SNX6: variants seen among roughly 807,000 people sequenced by gnomAD.
SNX6 encodes the protein sorting nexin-6.
A neutral mutation model predicts 63.0 loss-of-function variants in SNX6; 34 were observed. The observed-to-expected ratio is 0.54, with a 90% CI of 0.41 to 0.72. SNX6 has a LOEUF of 0.72. Among genes scored for constraint, SNX6 ranks in the 30% least tolerant of loss-of-function variants. The pLI, the probability that SNX6 is intolerant of heterozygous loss-of-function variation, is 0.00. For missense variants in SNX6, 398 were observed against 471.4 expected (o/e 0.84, Z 1.44); for synonymous variants, 170 against 164.2 (o/e 1.04, Z -0.27).
At chr14:34,586,517 G>A (rs1226870103) in intron 8 of SNX6, among the ~76,000 whole-genome samples, 1 of 151,600 alleles carries the variant, frequency 6.6e-6, no homozygotes, top group East Asian at 1.9e-4. Flanking sequence ...AGACCAGCTG[G>A]GCCAACATGG....
chr14:34,600,935 T>C (rs998968285), intron 6 of SNX6, among the ~76,000 whole-genome samples: 2 of 151,770 alleles, frequency 1.3e-5, no homozygotes, highest in African/African-American at 4.8e-5. Flanking sequence ...GAGGAGTCGC[T>C]TGAACCTGGG....
chr14:34,599,464 G>A (rs1882721838), intron 6 of SNX6, among the ~76,000 whole-genome samples: 1 of 152,098 alleles, frequency 6.6e-6, no homozygotes, highest in African/African-American at 2.4e-5. Flanking sequence ...AAAACTAGCT[G>A]GGCGTCGTGG....
intron 8 of SNX6, 35 bp from the exon 9 acceptor site, chr14:34,586,340 T>C (rs1882156491): frequency 4.4e-6 from 6 of 1,352,842 alleles, no homozygotes; most frequent in South Asian, 3.6e-5. Flanking sequence ...AGTATACCTA[T>C]TCATAGATTT....
chr14:34,616,998 C>T (rs902541562), intron 2 of SNX6, among the ~76,000 whole-genome samples: 3 of 152,062 alleles, frequency 2.0e-5, no homozygotes, highest in African/African-American at 4.8e-5. Context: ...AGGAGAATTG[C>T]TTGAATCCAG....
At chr14:34,585,993 C>G (rs1882137693) in intron 9 of SNX6, among the ~76,000 whole-genome samples, 1 of 152,090 alleles carries the variant, frequency 6.6e-6, no homozygotes, top group Non-Finnish European at 1.5e-5. Context: ...CAACCTCTGC[C>G]TCCCAGGTTC....
At chr14:34,601,845 T>A (rs1385802856) in intron 6 of SNX6, among the ~76,000 whole-genome samples, 1 of 150,664 alleles carries the variant, frequency 6.6e-6, no homozygotes, top group Non-Finnish European at 1.5e-5. Context: ...TCTGCCCGGC[T>A]TGGCCTCCCA....
intron 10 of SNX6, among the ~76,000 whole-genome samples, chr14:34,579,142 G>T (rs556040550): frequency 6.6e-6 from 1 of 151,840 alleles, no homozygotes; most frequent in South Asian, 2.1e-4. Flanking sequence ...TTTTCACGTG[G>T]TTATCATATG....
At chr14:34,594,753 T>C (rs574561922) in intron 7 of SNX6, among the ~76,000 whole-genome samples, 1 of 152,226 alleles carries the variant, frequency 6.6e-6, no homozygotes, top group East Asian at 1.9e-4. Context: ...TGGAGACCCA[T>C]ATCAACAGAA....
chr14:34,608,002 G>A (rs753402132), intron 4 of SNX6, 28 bp downstream of exon 4: 5 of 1,170,484 alleles, frequency 4.3e-6, no homozygotes, highest in Non-Finnish European at 6.2e-6. Context: ...CCTAGAAAAT[G>A]GAATTAAAAT....
chr14:34,595,330 T>A (rs1157946473), intron 7 of SNX6, among the ~76,000 whole-genome samples: 1 of 151,916 alleles, frequency 6.6e-6, no homozygotes, highest in Non-Finnish European at 1.5e-5. Context: ...AGAGACAGGG[T>A]TTCTCCATGT....
rs1881252017 is a variant in SNX6 at position 34,567,766 on chromosome 14, T to C, written c.1087A>G (p.Ile363Val). The stretch of plus-strand genomic sequence containing the variant: ...GCAACTCTTCTTGTCTTAAAATCTA[T>C]AAGTTCTGTGAAAAAGAAATTAGGA... ...KISESAKQEL[I>V]DFKTRRVAAF... Residue 363 changes from isoleucine to valine, a missense_variant, in exon 13 of 14, where the codon ATA becomes GTA. By Grantham distance (29) the Ile-to-Val change is conservative. Coordinates refer to ENST00000362031, the MANE Select transcript of SNX6 (RefSeq NM_152233.4). The C allele has an allele frequency of 6.2e-7, 1 of 1,613,360 alleles. No homozygotes were observed. Among genetic ancestry groups the C allele is most frequent in the African/African-American group, 1.3e-5 (1 of 74,924 alleles).
chr14:34,574,534 C>T (rs1444494670), intron 11 of SNX6, among the ~76,000 whole-genome samples: 1 of 148,488 alleles, frequency 6.7e-6, no homozygotes, highest in Non-Finnish European at 1.5e-5. Context: ...CCTGTAATCC[C>T]AGCTACTCAG....
At chr14:34,591,384 T>A (rs8021056) in intron 8 of SNX6, among the ~76,000 whole-genome samples, 25 of 152,294 alleles carry the variant, frequency 1.6e-4, no homozygotes, top group South Asian at 4.1e-4. Flanking sequence ...TACAATTTTT[T>A]AAAAAATCAC....
At chr14:34,627,652 G>A (rs1177196142) in intron 2 of SNX6, among the ~76,000 whole-genome samples, 2 of 152,004 alleles carry the variant, frequency 1.3e-5, no homozygotes, top group African/African-American at 4.8e-5. Flanking sequence ...ACCATGCCCA[G>A]CTAATTTTTG....
intron 6 of SNX6, among the ~76,000 whole-genome samples, chr14:34,602,622 T>C (rs568141659): frequency 6.7e-6 from 1 of 149,928 alleles, no homozygotes; most frequent in South Asian, 2.1e-4. Context: ...AATACAAACA[T>C]TCTAAAAAAA....
At chr14:34,584,458 T>G (rs767808017) in intron 9 of SNX6, among the ~76,000 whole-genome samples, 1 of 151,042 alleles carries the variant, frequency 6.6e-6, no homozygotes, top group African/African-American at 2.4e-5. Context: ...TACACCACCA[T>G]GTCTAATTTT....
chr14:34,629,982 G>C lies in SNX6; in HGVS notation c.7-28C>G, dbSNP rs771750609. On this transcript the variant is annotated intron_variant, in intron 1 of 13. Transcript: ENST00000362031. ...GTGGGGTCGGCGGGCACGGCGCGCCGGGGAAAAGGATGAGATGGGGGAGAC... is the reference window on the plus strand; with the variant it reads ...GTGGGGTCGGCGGGCACGGCGCGCCCGGGAAAAGGATGAGATGGGGGAGAC... 7 of 1,529,136 alleles carry C rather than the reference G, an allele frequency of 4.6e-6. No homozygotes were observed. In the South Asian group the frequency reaches 6.1e-5, roughly 13 times the overall value. 94.7% of individuals were successfully genotyped at this position (1,529,136 alleles called of 1,614,324 possible).
intron 11 of SNX6, chr14:34,568,748 C>T (rs1334182032): frequency 1.1e-6 from 1 of 879,804 alleles, no homozygotes; most frequent in Non-Finnish European, 1.9e-6. Context: ...TCTCTCTGTC[C>T]CTGACGTGTC....
intron 13 of SNX6, 103 bp from the exon 14 acceptor site, chr14:34,563,278 G>A: frequency 3.5e-6 from 4 of 1,152,628 alleles, no homozygotes; most frequent in Admixed American, 2.2e-5. Context: ...AGTGTTAGAA[G>A]CCGGGCGCGG....
Sources: allele counts gnomAD v4.1 joint callset (sites outside exome capture counted in the v4.1 genomes callset), GRCh38; gene constraint gnomAD v4.1.1; transcripts MANE v1.5; gene names NCBI Gene and HGNC (gene_info 2026-07-23, HGNC 2026-07-21).